DCLK1: variants seen among roughly 807,000 people sequenced by gnomAD.
DCLK1 encodes the protein doublecortin like kinase 1.
A neutral mutation model predicts 86.2 loss-of-function variants in DCLK1; 16 were observed. That is an observed-to-expected ratio of 0.19 (90% CI 0.13 to 0.28). DCLK1 has a LOEUF of 0.28. DCLK1 is among the 10% of genes least tolerant of loss of function. The pLI, the probability that DCLK1 is intolerant of heterozygous loss-of-function variation, is 1.00. For missense variants in DCLK1, 590 were observed against 940.2 expected (o/e 0.63, Z 4.87); for synonymous variants, 369 against 370.5 (o/e 1.00, Z 0.05).
At chr13:35,802,201 G>A (rs1322596381) in intron 15 of DCLK1, among the ~76,000 whole-genome samples, 2 of 152,010 alleles carry the variant, frequency 1.3e-5, no homozygotes, top group Admixed American at 6.6e-5. Context: ...TTGTGGTGGT[G>A]CACACCTGGG....
chr13:35,951,100 A>G (rs1877645111), intron 3 of DCLK1, among the ~76,000 whole-genome samples: 1 of 152,032 alleles, frequency 6.6e-6, no homozygotes, highest in African/African-American at 2.4e-5. Flanking sequence ...TCCATGGCTT[A>G]CTATCCTCAA....
chr13:35,859,533 T>G (rs1224258525), intron 5 of DCLK1, among the ~76,000 whole-genome samples: 1 of 152,090 alleles, frequency 6.6e-6, no homozygotes, highest in Non-Finnish European at 1.5e-5. Context: ...CCTCCTTTAT[T>G]TCGACTCAGC....
intron 4 of DCLK1, among the ~76,000 whole-genome samples, chr13:35,916,996 A>G (rs892561955): frequency 6.6e-6 from 1 of 152,190 alleles, no homozygotes; most frequent in African/African-American, 2.4e-5. Context: ...CTCGAGGAAA[A>G]TAGCATCATT....
chr13:35,887,254 A>G (rs920743578), intron 4 of DCLK1, among the ~76,000 whole-genome samples: 1 of 152,224 alleles, frequency 6.6e-6, no homozygotes, highest in African/African-American at 2.4e-5. Context: ...AGGTGAGGTT[A>G]GAACACCTGA....
chr13:35,827,025 C>T (rs896387911), intron 10 of DCLK1, among the ~76,000 whole-genome samples: 1 of 152,184 alleles, frequency 6.6e-6, no homozygotes, highest in African/African-American at 2.4e-5. Context: ...GGAGAGAGAA[C>T]AGGTAAGAGA....
intron 16 of DCLK1, 57 bp from the exon 17 acceptor site, chr13:35,774,756 A>C (rs189222707): frequency 1.8e-4 from 283 of 1,555,774 alleles, no homozygotes; most frequent in Non-Finnish European, 2.4e-4. Flanking sequence ...ATGGCAAAAC[A>C]AACTCTTTCT....
chr13:35,945,171 T>C (rs992441181), intron 4 of DCLK1, among the ~76,000 whole-genome samples: 3 of 152,094 alleles, frequency 2.0e-5, no homozygotes, highest in Non-Finnish European at 4.4e-5. Context: ...AAGTCCTGGG[T>C]TTACAGGCGT....
chr13:35,785,478 T>C (rs1489223615), intron 16 of DCLK1, among the ~76,000 whole-genome samples: 3 of 152,120 alleles, frequency 2.0e-5, no homozygotes, highest in South Asian at 2.1e-4. Context: ...CAAAGTCTCC[T>C]GGATGCGTGG....
chr13:36,007,775 C>G (rs984031862), intron 3 of DCLK1, among the ~76,000 whole-genome samples: 6 of 152,136 alleles, frequency 3.9e-5, no homozygotes, highest in Non-Finnish European at 7.4e-5. Context: ...TTGCTGTCTT[C>G]AAATAACTAA....
chr13:35,946,166 C>T (rs965990567), intron 4 of DCLK1, among the ~76,000 whole-genome samples: 2 of 152,228 alleles, frequency 1.3e-5, no homozygotes, highest in East Asian at 3.9e-4. Flanking sequence ...GCGTGCACCA[C>T]CATGCCCAGC....
At chr13:35,821,074 C>T (rs982846588) in intron 11 of DCLK1, among the ~76,000 whole-genome samples, 1 of 152,160 alleles carries the variant, frequency 6.6e-6, no homozygotes, top group African/African-American at 2.4e-5. Flanking sequence ...AGCTAAGGCT[C>T]TGGAAGTCAG....
chr13:35,924,047 C>T (rs1875956771), intron 4 of DCLK1, among the ~76,000 whole-genome samples: 1 of 152,112 alleles, frequency 6.6e-6, no homozygotes, highest in South Asian at 2.1e-4. Flanking sequence ...AGTATCACAG[C>T]CGAACTGCCT....
chr13:36,127,221 A>G (rs1054526605), intron 1 of DCLK1, among the ~76,000 whole-genome samples: 15 of 152,232 alleles, frequency 9.9e-5, no homozygotes, highest in Non-Finnish European at 4.4e-5. Flanking sequence ...TCACACATTC[A>G]ATATTTTTAA....
intron 15 of DCLK1, among the ~76,000 whole-genome samples, chr13:35,804,862 A>T (rs1310876629): frequency 6.6e-6 from 1 of 152,222 alleles, no homozygotes; most frequent in Non-Finnish European, 1.5e-5. Context: ...CCGTGTACTC[A>T]AAGAACAGCC....
intron 16 of DCLK1, among the ~76,000 whole-genome samples, chr13:35,791,209 A>AT (rs35763667): frequency 0.26 from 38,926 of 151,828 alleles, 5,192 homozygotes; most frequent in East Asian, 0.38. Flanking sequence ...TCTGACAGGC[A>AT]TTTTTTAAGA....
chr13:36,015,694 G>T (rs1434357656), intron 3 of DCLK1, among the ~76,000 whole-genome samples: 1 of 151,996 alleles, frequency 6.6e-6, no homozygotes, highest in Non-Finnish European at 1.5e-5. Flanking sequence ...ACCAATCTAG[G>T]GCTTACCTGG....
At chr13:35,916,254 A>G (rs527407557) in intron 4 of DCLK1, among the ~76,000 whole-genome samples, 35 of 152,350 alleles carry the variant, frequency 2.3e-4, no homozygotes, top group African/African-American at 8.4e-4. Flanking sequence ...GATCAGCTAT[A>G]TTCAGGACAG....
intron 3 of DCLK1, among the ~76,000 whole-genome samples, chr13:36,045,099 T>C (rs1191488161): frequency 1.3e-5 from 2 of 151,206 alleles, no homozygotes; most frequent in African/African-American, 4.8e-5. Flanking sequence ...TTCAAAATTA[T>C]ACTGTGGAAA....
intron 3 of DCLK1, among the ~76,000 whole-genome samples, chr13:36,072,828 C>T (rs1884027444): frequency 6.6e-6 from 1 of 152,184 alleles, no homozygotes; most frequent in Non-Finnish European, 1.5e-5. Context: ...TTACTACAGT[C>T]ATGAAAGTTG....
Sources: allele counts gnomAD v4.1 joint callset (sites outside exome capture counted in the v4.1 genomes callset), GRCh38; gene constraint gnomAD v4.1.1; transcripts MANE v1.5; gene names NCBI Gene and HGNC (gene_info 2026-07-23, HGNC 2026-07-21).